The following EXD2 variants were observed in gnomAD, a reference collection of about 807,000 sequenced individuals.
EXD2 encodes the protein exonuclease 3'-5' domain-containing protein 2.
In EXD2, 40 loss-of-function variants were observed where a neutral mutation model predicts 62.5. That is an observed-to-expected ratio of 0.64 (90% CI 0.50 to 0.83). EXD2 has a LOEUF of 0.83. Among genes scored for constraint, EXD2 ranks in the 40% least tolerant of loss-of-function variants. The pLI is 0.00. For missense variants in EXD2, 671 were observed against 761.8 expected, an observed-to-expected ratio of 0.88 and a Z score of 1.40; for synonymous variants, 239 against 291.9, an observed-to-expected ratio of 0.82 and a Z score of 1.85.
At chr14:69,225,730 G>C (rs769614915) in intron 3 of EXD2, among the ~76,000 whole-genome samples, 8 of 151,898 alleles carry the variant, frequency 5.3e-5, no homozygotes, top group Non-Finnish European at 1.0e-4. Context: ...GTGATGTCAG[G>C]GCAAAAAGAC....
Position 69,229,056 on chromosome 14 carries a change from C to T in EXD2, c.574C>T (p.Leu192=). Residue 192 remains leucine (L), a synonymous_variant, in exon 4 of 10, where the codon CTA becomes TTA. Coordinates refer to ENST00000685843, the MANE Select transcript of EXD2 (RefSeq NM_001193360.2). The part of the protein sequence containing the change: ...VVRGCLDLRY[L]AMRQRNNLLC... ...TAGGGGGTGCCTGGACCTCCGATACCTAGCCATGCGGCAGAGGTGTGGTTT... is the reference window on the plus strand; with the variant it reads ...TAGGGGGTGCCTGGACCTCCGATACTTAGCCATGCGGCAGAGGTGTGGTTT... The T allele has an allele frequency of 6.2e-7, 1 of 1,614,182 alleles. No individual in the cohort carries two copies. The highest frequency in any genetic ancestry group is 2.2e-5 in the East Asian group (1 of 44,894).
chr14:69,224,804 C>T (rs1015798393), intron 3 of EXD2, among the ~76,000 whole-genome samples: 5 of 151,938 alleles, frequency 3.3e-5, no homozygotes, highest in Non-Finnish European at 7.4e-5. Context: ...CATGGTGAAA[C>T]CCTGTCTCTA....
intron 3 of EXD2, among the ~76,000 whole-genome samples, chr14:69,220,122 A>G (rs1430920610): frequency 6.6e-6 from 1 of 151,772 alleles, no homozygotes; most frequent in Non-Finnish European, 1.5e-5. Context: ...TATTGTGTTG[A>G]AATACATTGA....
Position 69,209,556 on chromosome 14 carries a change from AGC to A in EXD2, c.89_90del (p.Arg30ProfsTer5). 6.4e-7 allele frequency: 1 copy of A among 1,550,632 alleles called. No homozygotes were observed. Among genetic ancestry groups the A allele is most frequent in the Non-Finnish European group, 8.7e-7 (1 of 1,147,014 alleles). On this transcript the variant is annotated frameshift_variant, in exon 3 of 10. Transcript: ENST00000685843. LOFTEE classifies it high-confidence loss of function. The stretch of plus-strand genomic sequence containing the variant: ...GGGTTTGTCCTCTGGAAAGGCATCC[AGC>A]GCCGCCGAAGGAGTAAAACGAGTCC...
chr14:69,208,431 C>G (rs867448904), intron 2 of EXD2, among the ~76,000 whole-genome samples: 52 of 151,592 alleles, frequency 3.4e-4, no homozygotes, highest in African/African-American at 1.3e-3. Flanking sequence ...GGGATGGTCT[C>G]GATCTCCTGA....
intron 1 of EXD2, among the ~76,000 whole-genome samples, chr14:69,196,656 C>T (rs1330738994): frequency 6.8e-6 from 1 of 148,028 alleles, no homozygotes; most frequent in Non-Finnish European, 1.5e-5. Context: ...CAGGGTCTTA[C>T]TCTGTTGACC....
In EXD2 at chr14:69,234,934, A is replaced by G. The variant is rs777777365; in HGVS notation, c.952A>G (p.Lys318Glu). The change falls in exon 6 of 10, where the codon AAG (lysine) becomes GAG (glutamate). Residue 318 changes from lysine (K) to glutamate (E), a missense_variant. By Grantham distance (56) the Lys-to-Glu change is moderately conservative (BLOSUM62 1). Coordinates refer to ENST00000685843, the MANE Select transcript of EXD2 (RefSeq NM_001193360.2). ...ATESQQKPRN[K>E]KSKMDGMVPG... ...AGAATCTCAGCAGAAGCCAAGAAAT[A>G]AGAAGTCTAAGATGGATGGGATGGT... 3 of 1,613,960 alleles carry G rather than the reference A, an allele frequency of 1.9e-6. No individual in the cohort carries two copies. The South Asian group carries it at 3.3e-5, about 18-fold the overall frequency.
Position 69,241,915 on chromosome 14 carries a change from C to T in EXD2, c.*815C>T, listed in dbSNP as rs1000884959. 2.5e-6 allele frequency: 1 copy of T among 398,898 alleles called. No individual in the cohort carries two copies. Among genetic ancestry groups the T allele is most frequent in the Non-Finnish European group, 4.4e-6 (1 of 226,090 alleles). The allele number at this position is 398,898 out of a possible 1,614,324, so 24.7% of individuals were successfully genotyped here. On this transcript the variant is annotated 3_prime_UTR_variant, in exon 10 of 10. Coordinates refer to ENST00000685843, the MANE Select transcript of EXD2 (RefSeq NM_001193360.2). ...TGCCCCAGAACTGCAAGATTTTTAG[C>T]TTCACCCCTTTCTGAGAGTAATGTT...
In EXD2 at chr14:69,191,591, GGTAA is replaced by G. The variant is rs2042023826; in HGVS notation, c.-132+3_-132+6del. 1 of 152,572 alleles carries G rather than the reference GGTAA, an allele frequency of 6.6e-6. No homozygotes were observed. Among genetic ancestry groups the G allele is most frequent in the Admixed American group, 6.5e-5 (1 of 15,292 alleles). The allele number at this position is 152,572 out of a possible 1,614,324, so 9.5% of individuals were successfully genotyped here. ...GTGTGCGGCCCAGTCCGAGACAGCA[GGTAA>G]GTGAGGCTCAGAAGCCGGCGAAGCC... On this transcript the variant is annotated splice_donor_variant and splice_donor_region_variant and intron_variant, in intron 1 of 9. Transcript: ENST00000685843. LOFTEE classifies it low-confidence loss of function (5UTR_SPLICE).
intron 5 of EXD2, among the ~76,000 whole-genome samples, chr14:69,234,244 T>A (rs2043691347): frequency 1.3e-5 from 2 of 152,190 alleles, no homozygotes; most frequent in African/African-American, 4.8e-5. Context: ...GGCAGTTCAT[T>A]TCTGATTGAC....
chr14:69,206,012 A>G (rs1057103359), intron 2 of EXD2, among the ~76,000 whole-genome samples: 5 of 151,928 alleles, frequency 3.3e-5, no homozygotes, highest in African/African-American at 4.8e-5. Flanking sequence ...TCCACCTCCC[A>G]GGTTCTAGTG....
At position 69,229,053 on chromosome 14, in the gene EXD2, T is replaced by A. The variant is rs1359781697; in HGVS notation, c.571T>A (p.Tyr191Asn). Residue 191 changes from tyrosine (Y) to asparagine (N), a missense_variant, in exon 4 of 10, where the codon TAC becomes AAC. Transcript: ENST00000685843. ...TGTTAGGGGGTGCCTGGACCTCCGATACCTAGCCATGCGGCAGAGGTGTGG... is the reference window on the plus strand; with the variant it reads ...TGTTAGGGGGTGCCTGGACCTCCGAAACCTAGCCATGCGGCAGAGGTGTGG... ...LVVRGCLDLR[Y>N]LAMRQRNNLL... 2.5e-6 allele frequency: 4 copies of A among 1,614,222 alleles called. No individual in the cohort carries two copies. The highest frequency in any genetic ancestry group is 2.5e-6 in the Non-Finnish European group (3 of 1,180,022).
At chr14:69,196,792 A>ATT (rs35991332) in intron 1 of EXD2, among the ~76,000 whole-genome samples, 3 of 146,012 alleles carry the variant, frequency 2.1e-5, no homozygotes, top group African/African-American at 7.5e-5. Context: ...TGGCCAATTA[A>ATT]TTTTTTTTTT....
At chr14:69,220,251 CTGTTTTT>C (rs1432732895) in intron 3 of EXD2, among the ~76,000 whole-genome samples, 27 of 60,606 alleles carry the variant, frequency 4.5e-4, no homozygotes, top group African/African-American at 1.3e-3. Context: ...TTTTGTCTCT[CTGTTTTT>C]TTTTTTTTTT....
chr14:69,221,048 T>C (rs191823882), intron 3 of EXD2, among the ~76,000 whole-genome samples: 1 of 152,226 alleles, frequency 6.6e-6, no homozygotes, highest in East Asian at 1.9e-4. Flanking sequence ...TTAATTTTTT[T>C]GTGGAGATGG....
intron 2 of EXD2, chr14:69,208,976 G>C (rs1238760559): frequency 6.6e-6 from 1 of 152,240 alleles, no homozygotes; most frequent in East Asian, 1.9e-4. Flanking sequence ...TTTTTAAATT[G>C]AGAAGCAGTT....
At chr14:69,201,600 G>T (rs1399384027) in intron 1 of EXD2, among the ~76,000 whole-genome samples, 1 of 150,644 alleles carries the variant, frequency 6.6e-6, no homozygotes, top group Non-Finnish European at 1.5e-5. Context: ...TCTGGCTCCT[G>T]CACCTGGAGA....
rs114790678 is a variant in EXD2 at position 69,235,233 on chromosome 14, T to G, written c.1049+202T>G. Among the ~76,000 whole-genome samples, 616 of 152,342 alleles carry G rather than the reference T, an allele frequency of 4.0e-3. 5 individuals carry two copies. The highest frequency in any genetic ancestry group is 0.013 in the African/African-American group (538 of 41,584). On this transcript the variant is annotated intron_variant, in intron 6 of 9. Coordinates refer to ENST00000685843, the MANE Select transcript of EXD2 (RefSeq NM_001193360.2). ...GTATTTTTCTCCTTTTCCCTTATTT[T>G]ACCTTTTTATTTATTGACAGTTGGG...
intron 3 of EXD2, chr14:69,227,829 A>G (rs7159186): frequency 0.71 from 107,695 of 152,052 alleles, 39,097 homozygotes; most frequent in East Asian, 1. Flanking sequence ...CCCAGACTCC[A>G]TCTAAAAAAA....
Sources: allele counts gnomAD v4.1 joint callset (sites outside exome capture counted in the v4.1 genomes callset), GRCh38; gene constraint gnomAD v4.1.1; transcripts MANE v1.5; gene names NCBI Gene and HGNC (gene_info 2026-07-23, HGNC 2026-07-21).